Variants in GPR19 observed in about 807,000 individuals in gnomAD.
GPR19 encodes G protein-coupled receptor 19.
In GPR19, 14 loss-of-function variants were observed where a neutral mutation model predicts 28.5. The observed-to-expected ratio is 0.49, with a 90% confidence interval of 0.32 to 0.77. The LOEUF (loss-of-function observed/expected upper bound fraction) is 0.77, where lower values mean the gene tolerates loss of function less well. Among genes scored for constraint, GPR19 ranks in the 30% least tolerant of loss-of-function variants. The pLI is 0.03. For synonymous variants in GPR19, 173 were observed against 184.1 expected (o/e 0.94, Z 0.49); for missense variants, 409 against 504.1 (o/e 0.81, Z 1.81).
At chr12:12,663,170 A>G (rs1945706128) in intron 3 of GPR19, among the ~76,000 whole-genome samples, 1 of 152,220 alleles carries the variant, frequency 6.6e-6, no homozygotes, top group African/African-American at 2.4e-5. Flanking sequence ...TACCAGTGAC[A>G]TATATTTTGA....
Position 12,662,162 on chromosome 12 carries a change from G to C in GPR19, c.287C>G (p.Thr96Ser), listed in dbSNP as rs1945685736. The C allele has an allele frequency of 1.2e-6, 2 of 1,614,260 alleles. No individual in the cohort carries two copies. The highest frequency in any genetic ancestry group is 4.5e-5 in the East Asian group (2 of 44,892). Residue 96 changes from threonine to serine, a missense_variant, in exon 4 of 4, where the codon ACT (threonine) becomes AGT (serine). Thr to Ser is a moderately conservative substitution (Grantham distance 58). Coordinates refer to ENST00000651487, the MANE Select transcript of GPR19 (RefSeq NM_006143.3). ...CACAAAGTAGTTGGTGGTAGACTGA[G>C]TCCTCCTACTCCTATGGATGACCAA... ...VCLVIHRSRR[T>S]QSTTNYFVVS...
chr12:12,697,142 T>C (rs184336919), upstream of GPR19, among the ~76,000 whole-genome samples: 1 of 50,780 alleles, frequency 2.0e-5, no homozygotes, highest in African/African-American at 5.8e-5. Flanking sequence ...AGACTGACTC[T>C]TGAAGCGAAG....
the GPR19 span, among the ~76,000 whole-genome samples, chr12:12,701,743 C>T: frequency 2.6e-5 from 4 of 152,022 alleles, no homozygotes; most frequent in Non-Finnish European, 5.9e-5. Flanking sequence ...GCAGCCTGAG[C>T]AACATGGCGA....
At chr12:12,676,558 C>T (rs1945934255) in intron 3 of GPR19, among the ~76,000 whole-genome samples, 1 of 152,128 alleles carries the variant, frequency 6.6e-6, no homozygotes, top group Admixed American at 6.5e-5. Flanking sequence ...TACCTAGGGT[C>T]CAGCCCAGCT....
intron 3 of GPR19, among the ~76,000 whole-genome samples, chr12:12,664,495 A>G (rs1193010167): frequency 2.6e-5 from 4 of 152,160 alleles, no homozygotes; most frequent in Non-Finnish European, 5.9e-5. Flanking sequence ...TAAAATTTTA[A>G]AAATTAAAAA....
intron 3 of GPR19, among the ~76,000 whole-genome samples, chr12:12,677,635 C>G (rs1182628631): frequency 6.6e-6 from 1 of 152,042 alleles, no homozygotes; most frequent in Non-Finnish European, 1.5e-5. Context: ...AATTATGTGA[C>G]TATATGAAAA....
At chr12:12,664,202 C>G (rs1025131460) in intron 3 of GPR19, among the ~76,000 whole-genome samples, 1 of 152,114 alleles carries the variant, frequency 6.6e-6, no homozygotes, top group Non-Finnish European at 1.5e-5. Flanking sequence ...GTTGGCCAGG[C>G]TGGTCTTGAA....
intron 3 of GPR19, among the ~76,000 whole-genome samples, chr12:12,675,587 CA>C (rs1419426727): frequency 2.6e-5 from 4 of 152,114 alleles, no homozygotes; most frequent in Non-Finnish European, 5.9e-5. Context: ...CCCTTAAATG[CA>C]GGGAACTTTC....
chr12:12,661,948 G>A lies in GPR19; in HGVS notation c.501C>T (p.Ile167=), dbSNP rs1328465882. Reference sequence around the variant, plus strand: ...ACACCTTGAAGCTCAGAGGATAGACGATGGTGTAGAACCGGTCTATGCAGA... The same window carrying A: ...ACACCTTGAAGCTCAGAGGATAGACAATGGTGTAGAACCGGTCTATGCAGA... ...LSICIDRFYT[I]VYPLSFKVSR... is the part of the protein sequence containing the mutation. Residue 167 remains isoleucine, a synonymous_variant, in exon 4 of 4, where the codon ATC becomes ATT. Coordinates refer to ENST00000651487, the MANE Select transcript of GPR19 (RefSeq NM_006143.3). This position sits in a 1 kb window ranked among gnomAD's most constrained non-coding sequence, Gnocchi z 4.2. 2.5e-6 allele frequency: 4 copies of A among 1,614,238 alleles called. No homozygotes were observed. The highest frequency in any genetic ancestry group is 1.1e-5 in the South Asian group (1 of 91,088).
At chr12:12,704,413 A>C in the GPR19 span, among the ~76,000 whole-genome samples, 1 of 152,202 alleles carries the variant, frequency 6.6e-6, no homozygotes, top group Non-Finnish European at 1.5e-5. Context: ...GAGGCAGTAG[A>C]ATCGCTTGAA....
At chr12:12,664,201 G>A (rs1945724632) in intron 3 of GPR19, among the ~76,000 whole-genome samples, 1 of 152,088 alleles carries the variant, frequency 6.6e-6, no homozygotes, top group Non-Finnish European at 1.5e-5. Flanking sequence ...CGTTGGCCAG[G>A]CTGGTCTTGA....
the GPR19 span, among the ~76,000 whole-genome samples, chr12:12,704,723 A>G: frequency 1.3e-5 from 2 of 152,190 alleles, no homozygotes; most frequent in Non-Finnish European, 2.9e-5. Flanking sequence ...TAGGGCTGAC[A>G]GTTCTGGCCT....
At chr12:12,675,669 G>A (rs1945920652) in intron 3 of GPR19, among the ~76,000 whole-genome samples, 1 of 152,134 alleles carries the variant, frequency 6.6e-6, no homozygotes, top group Non-Finnish European at 1.5e-5. Flanking sequence ...TGCAGGCTCT[G>A]AGATGCAGGG....
intron 3 of GPR19, among the ~76,000 whole-genome samples, chr12:12,668,287 C>T (rs374330053): frequency 3.4e-4 from 52 of 151,970 alleles, no homozygotes; most frequent in Admixed American, 1.9e-3. Context: ...TTGGTTCCTT[C>T]GGTATTATGT....
chr12:12,679,772 T>C (rs573236405), intron 3 of GPR19, among the ~76,000 whole-genome samples: 2 of 152,310 alleles, frequency 1.3e-5, no homozygotes, highest in South Asian at 4.1e-4. Context: ...AAGCCTGCTC[T>C]AGAGTCAGCC....
chr12:12,708,103 G>A, the GPR19 span, among the ~76,000 whole-genome samples: 1 of 142,206 alleles, frequency 7.0e-6, no homozygotes, highest in Non-Finnish European at 1.5e-5. Context: ...TGGCTCAAGC[G>A]ATACTCCCAC....
At chr12:12,697,180 A>C, upstream of GPR19, among the ~76,000 whole-genome samples, 1 of 145,338 alleles carries the variant, frequency 6.9e-6, no homozygotes, top group South Asian at 2.2e-4. Flanking sequence ...AAAAAAAAGC[A>C]GCCATGCAAA....
At chr12:12,699,969 G>C (rs1946307681), upstream of GPR19, among the ~76,000 whole-genome samples, 1 of 131,076 alleles carries the variant, frequency 7.6e-6, no homozygotes, top group Non-Finnish European at 1.6e-5. Flanking sequence ...GCCAAAAAAA[G>C]CTTTCTTTCT....
upstream of GPR19, among the ~76,000 whole-genome samples, chr12:12,697,152 G>GAAAAAAAAAAAA (rs1565413527): frequency 7.6e-4 from 4 of 5,254 alleles, no homozygotes; most frequent in South Asian, 4.0e-3. Context: ...TTGAAGCGAA[G>GAAAAAAAAAAAA]TAAAAAAAAA....
Sources: gnomAD v4.1 joint callset for allele counts (sites outside exome capture counted in the v4.1 genomes callset) on GRCh38, gnomAD v4.1.1 for gene constraint, Gnocchi (gnomAD v3.1) non-coding constraint, MANE v1.5 for transcripts, NCBI Gene and HGNC (gene_info 2026-07-23, HGNC 2026-07-21) for gene names.